The following AGBL1 variants were observed in gnomAD, a reference collection of about 807,000 sequenced individuals.
AGBL1 encodes cytosolic carboxypeptidase 4.
A neutral mutation model predicts 118.9 loss-of-function variants in AGBL1; 130 were observed. That is an observed-to-expected ratio of 1.09 (90% CI 0.95 to 1.26). AGBL1 has a LOEUF of 1.26. Among genes scored for constraint, AGBL1 ranks in the 50% most tolerant of loss-of-function variants. The probability of loss-of-function intolerance (pLI) is 0.00; values close to 1 mark genes in which losing one functional copy is unlikely to be tolerated. For synonymous variants in AGBL1, 555 were observed against 478.9 expected (o/e 1.16, Z -2.08); for missense variants, 1,584 against 1,298.1 (o/e 1.22, Z -3.38).
chr15:86,539,719 G>T (rs1416045925), intron 19 of AGBL1, among the ~76,000 whole-genome samples: 1 of 152,110 alleles, frequency 6.6e-6, no homozygotes, highest in Non-Finnish European at 1.5e-5. Context: ...CTCTCACTCA[G>T]TAAGGTTCAT....
At chr15:86,545,655 C>A (rs78984567) in intron 19 of AGBL1, among the ~76,000 whole-genome samples, 1,919 of 152,202 alleles carry the variant, frequency 0.013, 45 homozygotes, top group African/African-American at 0.043. Context: ...TCTTAAAATG[C>A]CCTTGTTCCT....
chr15:86,724,659 T>C (rs1336941919), intron 22 of AGBL1, among the ~76,000 whole-genome samples: 2 of 152,148 alleles, frequency 1.3e-5, no homozygotes. Flanking sequence ...CCAAATCTCA[T>C]GTTGAAATGT....
chr15:86,186,902 A>G (rs974205371), intron 5 of AGBL1, among the ~76,000 whole-genome samples: 1 of 152,190 alleles, frequency 6.6e-6, no homozygotes, highest in South Asian at 2.1e-4. Flanking sequence ...TCAAGACAAA[A>G]TGTGACTCTA....
chr15:86,733,109 A>C (rs903926470), intron 22 of AGBL1, among the ~76,000 whole-genome samples: 1 of 150,646 alleles, frequency 6.6e-6, no homozygotes, highest in Non-Finnish European at 1.5e-5. Context: ...GGGATTTATC[A>C]TGGGAATTGA....
chr15:86,791,728 T>TTATATATATATATA (rs3059670), intron 22 of AGBL1, among the ~76,000 whole-genome samples: 21 of 142,892 alleles, frequency 1.5e-4, no homozygotes, highest in African/African-American at 1.8e-4. Flanking sequence ...TCCTTGTTTT[T>TTATATATATATATA]TATATATATA....
intron 22 of AGBL1, among the ~76,000 whole-genome samples, chr15:86,877,004 G>A (rs1327583001): frequency 6.6e-6 from 1 of 151,960 alleles, no homozygotes; most frequent in East Asian, 1.9e-4. Flanking sequence ...CCCATTCCTG[G>A]TCTAGGAAAA....
intron 18 of AGBL1, among the ~76,000 whole-genome samples, chr15:86,450,184 G>T (rs554158027): frequency 1.3e-5 from 2 of 152,288 alleles, no homozygotes; most frequent in South Asian, 4.1e-4. Context: ...CGTGATGCAT[G>T]GGGTCCATTT....
At chr15:86,741,566 A>G (rs1480692419) in intron 22 of AGBL1, among the ~76,000 whole-genome samples, 1 of 151,970 alleles carries the variant, frequency 6.6e-6, no homozygotes, top group Non-Finnish European at 1.5e-5. Context: ...GAACTATAAG[A>G]CATCATAGTT....
chr15:86,898,996 TA>T (rs760179401), intron 22 of AGBL1, among the ~76,000 whole-genome samples: 9 of 152,170 alleles, frequency 5.9e-5, no homozygotes, highest in Non-Finnish European at 1.2e-4. Context: ...CTCAAAGAGC[TA>T]AAAGCAGAAC....
At chr15:86,628,123 G>A (rs749990385) in intron 21 of AGBL1, among the ~76,000 whole-genome samples, 17 of 152,124 alleles carry the variant, frequency 1.1e-4, no homozygotes, top group Admixed American at 1.1e-3. Context: ...TCCAGACCTT[G>A]AGCATGCATC....
At chr15:86,128,097 A>T (rs888865164) in intron 1 of AGBL1, among the ~76,000 whole-genome samples, 6 of 152,092 alleles carry the variant, frequency 3.9e-5, no homozygotes, top group African/African-American at 1.4e-4. Flanking sequence ...AATTAGTCTC[A>T]TGTTGTATTA....
At chr15:86,414,044 C>A (rs576241497) in intron 18 of AGBL1, among the ~76,000 whole-genome samples, 2 of 151,936 alleles carry the variant, frequency 1.3e-5, no homozygotes, top group East Asian at 3.9e-4. Context: ...GAACTGGAGG[C>A]CATTATCTTA....
At chr15:86,660,267 A>G (rs1213510384) in intron 21 of AGBL1, among the ~76,000 whole-genome samples, 2 of 152,100 alleles carry the variant, frequency 1.3e-5, no homozygotes, top group African/African-American at 4.8e-5. Flanking sequence ...CACTGGGCAG[A>G]GAGACATATT....
chr15:86,953,984 T>C (rs2080905374), intron 23 of AGBL1, among the ~76,000 whole-genome samples: 1 of 152,090 alleles, frequency 6.6e-6, no homozygotes, highest in Non-Finnish European at 1.5e-5. Flanking sequence ...TTTGAAAAAA[T>C]GCTCCTCATC....
At chr15:86,945,751 T>C (rs548535386) in intron 23 of AGBL1, among the ~76,000 whole-genome samples, 11 of 152,326 alleles carry the variant, frequency 7.2e-5, no homozygotes, top group Non-Finnish European at 1.6e-4. Flanking sequence ...TGTGTGTGCA[T>C]ATGTGTGTGC....
chr15:86,428,704 TA>T (rs1180488039), intron 18 of AGBL1, among the ~76,000 whole-genome samples: 1 of 152,190 alleles, frequency 6.6e-6, no homozygotes, highest in African/African-American at 2.4e-5. Context: ...GATGGATCAA[TA>T]ATAGAGTTCG....
At chr15:86,812,364 G>T (rs1237948833) in intron 22 of AGBL1, among the ~76,000 whole-genome samples, 1 of 152,100 alleles carries the variant, frequency 6.6e-6, no homozygotes, top group African/African-American at 2.4e-5. Context: ...AATTTACAAA[G>T]AATACAAAAG....
At chr15:86,786,601 A>T (rs2078416353) in intron 22 of AGBL1, among the ~76,000 whole-genome samples, 1 of 152,100 alleles carries the variant, frequency 6.6e-6, no homozygotes, top group Non-Finnish European at 1.5e-5. Context: ...TTGCAACCTA[A>T]AATAACCATT....
chr15:86,901,171 T>C (rs188763755), intron 22 of AGBL1, among the ~76,000 whole-genome samples: 5 of 152,324 alleles, frequency 3.3e-5, no homozygotes, highest in African/African-American at 1.2e-4. Context: ...TCTGGTTTTT[T>C]ATATGGCTTT....
Sources: gnomAD v4.1 joint callset for allele counts (sites outside exome capture counted in the v4.1 genomes callset) on GRCh38, gnomAD v4.1.1 for gene constraint, MANE v1.5 for transcripts, NCBI Gene and HGNC (gene_info 2026-07-23, HGNC 2026-07-21) for gene names.